Variants in RELN observed in about 807,000 individuals in gnomAD.
RELN encodes reelin.
Under a neutral mutation model 427.6 loss-of-function variants are expected in RELN, and 108 were observed. That is an observed-to-expected ratio of 0.25 (90% confidence interval 0.22 to 0.30). The LOEUF (loss-of-function observed/expected upper bound fraction) is 0.30, where lower values mean the gene tolerates loss of function less well. Ranked by LOEUF, RELN falls within the 10% of genes least tolerant of loss-of-function variation. The probability of loss-of-function intolerance (pLI) is 1.00; values close to 1 mark genes in which losing one functional copy is unlikely to be tolerated. For synonymous variants in RELN, 1,524 were observed against 1,513.4 expected, an observed-to-expected ratio of 1.01 and a Z score of -0.16; for missense variants, 3,715 against 4,302.8, an observed-to-expected ratio of 0.86 and a Z score of 3.82.
intron 8 of RELN, among the ~76,000 whole-genome samples, chr7:103,701,222 T>C (rs1030303309): frequency 6.6e-6 from 1 of 152,116 alleles, no homozygotes; most frequent in Non-Finnish European, 1.5e-5. Flanking sequence ...AAAAGAAATA[T>C]AAATTGCAGA....
chr7:103,804,065 C>T (rs560152734), intron 3 of RELN, among the ~76,000 whole-genome samples: 15 of 152,178 alleles, frequency 9.9e-5, no homozygotes, highest in African/African-American at 3.4e-4. Context: ...CTCAGAGAGA[C>T]AGAGTCTTTA....
chr7:103,937,265 C>T (rs1563100977), intron 1 of RELN, among the ~76,000 whole-genome samples: 1 of 152,182 alleles, frequency 6.6e-6, no homozygotes, highest in Admixed American at 6.5e-5. Context: ...CTAGAAAGAT[C>T]AATTTATCTT....
chr7:103,703,505 C>G (rs545064787), intron 8 of RELN, among the ~76,000 whole-genome samples: 35 of 152,262 alleles, frequency 2.3e-4, no homozygotes, highest in Admixed American at 2.0e-3. Flanking sequence ...TCCCTGTACC[C>G]AGACACTGTG....
At chr7:103,677,059 A>G (rs1294688177) in intron 11 of RELN, among the ~76,000 whole-genome samples, 1 of 151,734 alleles carries the variant, frequency 6.6e-6, no homozygotes, top group East Asian at 2.0e-4. Flanking sequence ...TGCCACATAT[A>G]CACCATGGAA....
At chr7:103,845,530 T>C (rs1793653977) in intron 2 of RELN, among the ~76,000 whole-genome samples, 1 of 152,206 alleles carries the variant, frequency 6.6e-6, no homozygotes, top group African/African-American at 2.4e-5. Context: ...GCTGCTGTCA[T>C]ATCTGTAAAG....
intron 11 of RELN, among the ~76,000 whole-genome samples, chr7:103,663,640 G>A (rs1833193527): frequency 6.6e-6 from 1 of 152,136 alleles, no homozygotes; most frequent in South Asian, 2.1e-4. Context: ...AATGCCTACT[G>A]CTACTATTGC....
At chr7:103,645,633 ATAC>A (rs761583981) in intron 16 of RELN, among the ~76,000 whole-genome samples, 5 of 151,796 alleles carry the variant, frequency 3.3e-5, no homozygotes, top group Non-Finnish European at 5.9e-5. Context: ...CACAGAACAA[ATAC>A]TACTAGACCT....
chr7:103,763,424 G>C (rs2116142323), intron 4 of RELN, among the ~76,000 whole-genome samples: 1 of 152,232 alleles, frequency 6.6e-6, no homozygotes, highest in South Asian at 2.1e-4. Context: ...TGGATCAAGG[G>C]ATCCAAAGTG....
intron 3 of RELN, among the ~76,000 whole-genome samples, chr7:103,776,983 T>A (rs1791760077): frequency 6.6e-6 from 1 of 152,230 alleles, no homozygotes; most frequent in Non-Finnish European, 1.5e-5. Context: ...AATATTGATA[T>A]TAGTACTGGA....
At position 103,861,631 on chromosome 7, in the gene RELN, C is replaced by T. The variant is rs569182718; in HGVS notation, c.338-27959G>A. Among the ~76,000 whole-genome samples, 8 of 152,132 alleles carry T rather than the reference C, an allele frequency of 5.3e-5. No individual in the cohort carries two copies. The South Asian group carries it at 1.7e-3, about 32-fold the overall frequency. On this transcript the variant is annotated intron_variant, in intron 2 of 64. Coordinates refer to ENST00000428762, the MANE Select transcript of RELN (RefSeq NM_005045.4). ...GAGAAGTTCCACATACAGGAAGTTG[C>T]CAACAGTGTCACATATTGCGAAGAG...
intron 9 of RELN, among the ~76,000 whole-genome samples, chr7:103,698,345 T>C (rs1177402381): frequency 2.0e-5 from 3 of 152,128 alleles, no homozygotes; most frequent in African/African-American, 7.2e-5. Flanking sequence ...AGGCACTAAG[T>C]ATGTTCAAAT....
chr7:103,522,038 G>A lies in RELN; in HGVS notation c.7652C>T (p.Ala2551Val). The change falls in exon 48 of 65, where the codon GCT becomes GTT. Residue 2551 changes from alanine to valine, a missense_variant. By Grantham distance (64) the Ala-to-Val change is moderately conservative. Around this residue, in one of 4 missense-constraint regions of RELN, gnomAD observed 1,310 missense variants for 1,643.0 expected, o/e 0.80. Transcript: ENST00000428762. ...TVCGAVASGM[A>V]LHFSGGCSRL... ...AACACTCACCCCACTGAAATGGAGA[G>A]CCATTCCCGACGCCACGGCTCCACA... The A allele has an allele frequency of 1.2e-6, 2 of 1,614,080 alleles. No homozygotes were observed. Among genetic ancestry groups the A allele is most frequent in the Non-Finnish European group, 1.7e-6 (2 of 1,180,012 alleles).
chr7:103,491,851 C>CTG (rs1287884281), intron 58 of RELN, 102 bp downstream of exon 58: 1 of 509,954 alleles, frequency 2.0e-6, no homozygotes, highest in South Asian at 2.2e-5. Context: ...CTCTCTCTCT[C>CTG]TCTCTCACAC....
At position 103,483,712 on chromosome 7, in the gene RELN, G is replaced by C; in HGVS notation, c.10122C>G (p.Ile3374Met). ...TGAAGTCCTTTGGCTGGTGCTGGGC[G>C]ATGACATGCCAGGTGATCCCGTTGT... Reference protein sequence around the residue: ...SVNNGITWHVIAQHQPKDFTQ... With the variant: ...SVNNGITWHVMAQHQPKDFTQ... The change falls in exon 62 of 65, where the codon ATC becomes ATG. Residue 3374 changes from isoleucine to methionine, a missense_variant. Physicochemically the swap from Ile to Met is conservative, Grantham distance 10. Coordinates refer to ENST00000428762, the MANE Select transcript of RELN (RefSeq NM_005045.4). The C allele has an allele frequency of 6.2e-7, 1 of 1,614,144 alleles. No individual in the cohort carries two copies. Among genetic ancestry groups the C allele is most frequent in the Non-Finnish European group, 8.5e-7 (1 of 1,180,018 alleles).
At chr7:103,721,533 T>C (rs957131445) in intron 8 of RELN, among the ~76,000 whole-genome samples, 3 of 152,152 alleles carry the variant, frequency 2.0e-5, no homozygotes, top group African/African-American at 7.2e-5. Flanking sequence ...TTGGTACAAA[T>C]GAAAGGCAAG....
rs1491241295 is a variant in RELN at position 103,845,147 on chromosome 7, T to TTTG, written c.338-11476_338-11475insCAA. 3.3e-3 allele frequency among the ~76,000 whole-genome samples: 202 copies of TTTG among 61,220 alleles called. 1 individual carries two copies. The highest frequency in any genetic ancestry group is 0.011 in the African/African-American group (196 of 18,270). 40.2% of individuals were successfully genotyped at this position (61,220 alleles called of 152,430 possible). A position where few individuals can be genotyped will look rare whatever the true frequency, so the allele number is the denominator to read the frequency against. On this transcript the variant is annotated intron_variant, in intron 2 of 64. Coordinates refer to ENST00000428762, the MANE Select transcript of RELN (RefSeq NM_005045.4). ...GTAGAACCGTTTTATCAAAAAAAAA[T>TTTG]TTTTTTTTTTTTGCTAAAATTAATG...
At position 103,483,761 on chromosome 7, in the gene RELN, G is replaced by A. The variant is rs911568601; in HGVS notation, c.10073C>T (p.Ala3358Val). Residue 3358 changes from alanine (A) to valine (V), a missense_variant, in exon 62 of 65, where the codon GCA (alanine) becomes GTA (valine). Ala to Val is a moderately conservative substitution (Grantham distance 64). Around this residue, in one of 4 missense-constraint regions of RELN, gnomAD observed 195 missense variants for 281.3 expected, o/e 0.69. Coordinates refer to ENST00000428762, the MANE Select transcript of RELN (RefSeq NM_005045.4). ...GTTGACGCTGTATTGCAGCAGCACT[G>A]CCTTGTCCACAGCGTGGGGGCCACT... ...DLSGPHAVDK[A>V]VLLQYSVNNG... 3.7e-6 allele frequency: 6 copies of A among 1,614,104 alleles called. No individual in the cohort carries two copies. Among genetic ancestry groups the A allele is most frequent in the East Asian group, 4.5e-5 (2 of 44,886 alleles).
At chr7:103,846,548 A>C in intron 2 of RELN, among the ~76,000 whole-genome samples, 1 of 152,226 alleles carries the variant, frequency 6.6e-6, no homozygotes. Context: ...CACCAAAAGC[A>C]ACGGCAACAA....
chr7:103,491,472 A>G (rs1454446186), intron 58 of RELN, among the ~76,000 whole-genome samples: 1 of 152,194 alleles, frequency 6.6e-6, no homozygotes, highest in East Asian at 1.9e-4. Context: ...AATAAGACAT[A>G]TGTATACATT....
Sources: gnomAD v4.1 joint callset for allele counts (sites outside exome capture counted in the v4.1 genomes callset) on GRCh38, gnomAD v4.1.1 for gene constraint, gnomAD v4.1.1 regional missense constraint, MANE v1.5 for transcripts, NCBI Gene and HGNC (gene_info 2026-07-23, HGNC 2026-07-21) for gene names.